ALPK1: variants seen among roughly 807,000 people sequenced by gnomAD.
ALPK1 encodes the protein alpha-protein kinase 1.
A neutral mutation model predicts 120.6 loss-of-function variants in ALPK1; 110 were observed. That is an observed-to-expected ratio of 0.91 (90% CI 0.78 to 1.07). The LOEUF (loss-of-function observed/expected upper bound fraction) is 1.07, where lower values mean the gene tolerates loss of function less well. ALPK1 is among the 50% of genes least tolerant of loss of function. ALPK1 has a pLI of 0.00. For missense variants in ALPK1, 1,498 were observed against 1,483.9 expected, an observed-to-expected ratio of 1.01 and a Z score of -0.16; for synonymous variants, 582 against 560.3, an observed-to-expected ratio of 1.04 and a Z score of -0.55.
intron 2 of ALPK1, among the ~76,000 whole-genome samples, chr4:112,371,477 T>C (rs997108269): frequency 1.3e-5 from 2 of 152,216 alleles, no homozygotes; most frequent in African/African-American, 4.8e-5. Flanking sequence ...CCCTCTCTAG[T>C]TCCTTCTACA....
At chr4:112,400,760 G>C (rs1732871698) in intron 4 of ALPK1, among the ~76,000 whole-genome samples, 1 of 152,164 alleles carries the variant, frequency 6.6e-6, no homozygotes, top group South Asian at 2.1e-4. Flanking sequence ...TCAATATTCA[G>C]ATGTGGGTTG....
intron 2 of ALPK1, among the ~76,000 whole-genome samples, chr4:112,348,866 TTG>T (rs1300667543): frequency 1.3e-5 from 2 of 152,090 alleles, no homozygotes; most frequent in Non-Finnish European, 2.9e-5. Context: ...ATAAAGAGCT[TTG>T]TGTGTGTCTC....
intron 4 of ALPK1, among the ~76,000 whole-genome samples, chr4:112,402,272 G>GCA (rs1732950597): frequency 1.3e-5 from 2 of 152,102 alleles, no homozygotes; most frequent in Non-Finnish European, 2.9e-5. Context: ...CCTTCACCCA[G>GCA]CCCCTCCTTG....
chr4:112,358,505 T>C, intron 2 of ALPK1: 1 of 677,824 alleles, frequency 1.5e-6, no homozygotes, highest in South Asian at 1.6e-5. Context: ...GCCCTCAGGG[T>C]CACCAGCTGC....
At chr4:112,335,950 T>C (rs1490282944) in intron 2 of ALPK1, among the ~76,000 whole-genome samples, 1 of 152,194 alleles carries the variant, frequency 6.6e-6, no homozygotes, top group Non-Finnish European at 1.5e-5. Flanking sequence ...AAGTTCTCTG[T>C]CATGAATCTT....
At chr4:112,304,385 A>C (rs969932730) in intron 1 of ALPK1, among the ~76,000 whole-genome samples, 1 of 152,036 alleles carries the variant, frequency 6.6e-6, no homozygotes, top group Non-Finnish European at 1.5e-5. Flanking sequence ...AAGTGTTCCT[A>C]TTTCTCCACA....
chr4:112,324,464 GTTTGTTTTGT>G (rs780738279), intron 2 of ALPK1, among the ~76,000 whole-genome samples: 1 of 151,766 alleles, frequency 6.6e-6, no homozygotes, highest in Admixed American at 6.6e-5. Context: ...TTGTTTGTTT[GTTTGTTTTGT>G]TTTGTTTTGT....
At chr4:112,319,587 G>T (rs1039097949) in intron 2 of ALPK1, among the ~76,000 whole-genome samples, 1 of 152,102 alleles carries the variant, frequency 6.6e-6, no homozygotes, top group Non-Finnish European at 1.5e-5. Flanking sequence ...AAAAATGATG[G>T]TGGTACCTTG....
At chr4:112,326,303 A>C (rs539326746) in intron 2 of ALPK1, among the ~76,000 whole-genome samples, 2 of 152,282 alleles carry the variant, frequency 1.3e-5, no homozygotes, top group African/African-American at 4.8e-5. Flanking sequence ...TTATCTTTAA[A>C]CTAAGGACGC....
At chr4:112,328,204 G>T (rs984409581) in intron 2 of ALPK1, among the ~76,000 whole-genome samples, 5 of 152,222 alleles carry the variant, frequency 3.3e-5, no homozygotes, top group South Asian at 2.1e-4. Context: ...GACACACCAG[G>T]TTCCTTCTGT....
chr4:112,373,170 A>T (rs111599562), intron 2 of ALPK1, among the ~76,000 whole-genome samples: 2 of 152,236 alleles, frequency 1.3e-5, no homozygotes, highest in African/African-American at 4.8e-5. Context: ...ATTTTAGCCA[A>T]TGTCTCCCTC....
At chr4:112,374,616 G>A (rs1330674726) in intron 2 of ALPK1, among the ~76,000 whole-genome samples, 2 of 152,196 alleles carry the variant, frequency 1.3e-5, no homozygotes, top group Non-Finnish European at 2.9e-5. Flanking sequence ...GATATAAGCT[G>A]TGATCACTAT....
chr4:112,329,517 T>C lies in ALPK1; in HGVS notation c.-101+13665T>C, dbSNP rs115951487. On this transcript the variant is annotated intron_variant, in intron 2 of 15. Transcript: ENST00000650871. ...GGCTCTCAGGATGAGGCCATTTTGG[T>C]TTTGGGGTAGCTTGTAAAAGCCATG... Among the ~76,000 whole-genome samples, 1,087 of 152,304 alleles carry C rather than the reference T, an allele frequency of 7.1e-3. 11 individuals carry two copies. The highest frequency in any genetic ancestry group is 0.024 in the African/African-American group (1,007 of 41,550).
chr4:112,326,157 T>G (rs1460551635), intron 2 of ALPK1, among the ~76,000 whole-genome samples: 1 of 152,224 alleles, frequency 6.6e-6, no homozygotes, highest in Non-Finnish European at 1.5e-5. Context: ...CAGTTTTTCC[T>G]TCCCAACATC....
chr4:112,394,613 A>G (rs1454743249), intron 4 of ALPK1, among the ~76,000 whole-genome samples: 1 of 152,202 alleles, frequency 6.6e-6, no homozygotes, highest in Non-Finnish European at 1.5e-5. Context: ...TGCCCTTTTA[A>G]TATAGTACTT....
intron 2 of ALPK1, among the ~76,000 whole-genome samples, chr4:112,317,617 G>A (rs1316810711): frequency 1.3e-5 from 2 of 151,908 alleles, no homozygotes; most frequent in Non-Finnish European, 2.9e-5. Flanking sequence ...GGATTACTAT[G>A]GCTTCATTGT....
At chr4:112,408,473 C>CTAT (rs1553955317) in intron 4 of ALPK1, among the ~76,000 whole-genome samples, 4 of 143,588 alleles carry the variant, frequency 2.8e-5, no homozygotes, top group South Asian at 2.2e-4. Context: ...CAATGACTGA[C>CTAT]TTTTTTTTTT....
chr4:112,439,694 G>A lies in ALPK1; in HGVS notation c.3360G>A (p.Glu1120=), dbSNP rs1231352904. The A allele has an allele frequency of 6.2e-7, 1 of 1,601,462 alleles. No individual in the cohort carries two copies. Among genetic ancestry groups the A allele is most frequent in the South Asian group, 1.1e-5 (1 of 89,180 alleles). Residue 1120 remains glutamate, a synonymous_variant, in exon 14 of 16, where the codon GAG becomes GAA. Coordinates refer to ENST00000650871, the MANE Select transcript of ALPK1 (RefSeq NM_025144.4). The part of the protein sequence containing the change: ...YIPSTILLIL[E]DKTIKGCISV... The stretch of plus-strand genomic sequence containing the variant: ...TCATTGCTATTTTTCAGATTTTAGA[G>A]GACAAGACAATAAAGGGATGTATCA...
chr4:112,360,398 A>G (rs936968934), intron 2 of ALPK1, among the ~76,000 whole-genome samples: 1 of 152,174 alleles, frequency 6.6e-6, no homozygotes, highest in Admixed American at 6.5e-5. Flanking sequence ...GGAAGTGCAG[A>G]AATCTCTTCT....
Sources: allele counts gnomAD v4.1 joint callset (sites outside exome capture counted in the v4.1 genomes callset), GRCh38; gene constraint gnomAD v4.1.1; transcripts MANE v1.5; gene names NCBI Gene and HGNC (gene_info 2026-07-23, HGNC 2026-07-21).